Variants in FUOM observed in about 807,000 individuals in gnomAD.
FUOM encodes the protein fucose mutarotase, also known as protein fucU homolog.
FUOM carries 19 observed loss-of-function variants against 18.3 expected under a neutral mutation model. The observed-to-expected ratio is 1.04, with a 90% CI of 0.73 to 1.53. The LOEUF (loss-of-function observed/expected upper bound fraction) is 1.53, where lower values mean the gene tolerates loss of function less well. Ranked by LOEUF, FUOM falls within the 40% of genes most tolerant of loss-of-function variation. FUOM has a pLI of 0.00. For missense variants in FUOM, 210 were observed against 200.9 expected (o/e 1.04, Z -0.27); for synonymous variants, 102 against 87.9 (o/e 1.16, Z -0.90).
downstream of FUOM, among the ~76,000 whole-genome samples, chr10:133,354,190 G>T (rs571134110): frequency 1.3e-5 from 2 of 152,138 alleles, no homozygotes; most frequent in African/African-American, 4.8e-5. Context: ...CGCGGCCATC[G>T]GGTCTAGAGA....
chr10:133,356,410 G>A (rs1175913704), intron 4 of FUOM, among the ~76,000 whole-genome samples: 5 of 152,214 alleles, frequency 3.3e-5, no homozygotes, highest in East Asian at 3.9e-4. Flanking sequence ...GATCCTGGGC[G>A]GGGCAGGGCA....
chr10:133,356,109 C>G (rs779611134), intron 4 of FUOM, among the ~76,000 whole-genome samples: 1 of 152,170 alleles, frequency 6.6e-6, no homozygotes, highest in Non-Finnish European at 1.5e-5. Context: ...GGGGGAGTCC[C>G]CTGCCCAGGA....
At chr10:133,353,361 C>T (rs1347834792), downstream of FUOM, among the ~76,000 whole-genome samples, 1 of 152,210 alleles carries the variant, frequency 6.6e-6, no homozygotes, top group Non-Finnish European at 1.5e-5. Flanking sequence ...TCACACACCG[C>T]ATGTGTCCTG....
chr10:133,357,796 G>C (rs1848858717), intron 1 of FUOM, 127 bp downstream of exon 1: 19 of 656,610 alleles, frequency 2.9e-5, no homozygotes, highest in Non-Finnish European at 3.7e-5. Flanking sequence ...CTGCCCGGAA[G>C]CCAGGGAGGC....
At chr10:133,353,401 C>T (rs1281197689), downstream of FUOM, among the ~76,000 whole-genome samples, 4 of 152,178 alleles carry the variant, frequency 2.6e-5, no homozygotes, top group South Asian at 2.1e-4. Context: ...GGGGTTCCTG[C>T]GTGGCAGTCT....
At chr10:133,356,210 G>T (rs917301860) in intron 4 of FUOM, among the ~76,000 whole-genome samples, 3 of 152,234 alleles carry the variant, frequency 2.0e-5, no homozygotes, top group African/African-American at 7.2e-5. Context: ...GCAGGGCAAG[G>T]TGTGGAGAGG....
At chr10:133,356,899 C>T (rs1848820466) in intron 3 of FUOM, 44 bp downstream of exon 3, 2 of 1,537,002 alleles carry the variant, frequency 1.3e-6, no homozygotes, top group Non-Finnish European at 1.8e-6. Context: ...AAAGGGGAAA[C>T]TGAGGCACGG....
chr10:133,353,535 C>T (rs761850817), downstream of FUOM, among the ~76,000 whole-genome samples: 25 of 152,288 alleles, frequency 1.6e-4, no homozygotes, highest in African/African-American at 5.8e-4. Flanking sequence ...CTCATCCTGC[C>T]GTGTTCAGCC....
rs750216263 is a variant in FUOM, at chr10:133,355,751, C to A, written c.385G>T (p.Val129Phe). The stretch of plus-strand genomic sequence containing the variant: ...GCTGGAACTCACCCCGTTGCCACAA[C>A]AGCAAAAGCCTTCTTAGCCCGTTCA... ...FYERAKKAFA[V>F]VATGETALYG... is the part of the protein sequence containing the mutation. Residue 129 changes from valine to phenylalanine, a missense_variant, in exon 5 of 6, where the codon GTT (valine) becomes TTT (phenylalanine). Val to Phe is a conservative substitution (Grantham distance 50). Transcript: ENST00000278025. The A allele has an allele frequency of 2.5e-6, 4 of 1,613,218 alleles. No homozygotes were observed.
chr10:133,357,707 T>C (rs115835847), intron 1 of FUOM: 20,283 of 524,596 alleles, frequency 0.039, 1,244 homozygotes, highest in African/African-American at 0.21. Flanking sequence ...GGGGAGGGAC[T>C]CCGGGAGAAG....
At chr10:133,353,980 A>T (rs1306740993), downstream of FUOM, among the ~76,000 whole-genome samples, 58 of 145,184 alleles carry the variant, frequency 4.0e-4, no homozygotes, top group African/African-American at 1.3e-3. Flanking sequence ...TTTTTTTTTT[A>T]AAGCTATCTT....
chr10:133,357,233 C>G lies in FUOM; in HGVS notation c.108G>C (p.Pro36=), dbSNP rs760044539. 2.5e-6 allele frequency: 4 copies of G among 1,581,826 alleles called. No individual in the cohort carries two copies. Among genetic ancestry groups the G allele is most frequent in the Non-Finnish European group, 1.7e-6 (2 of 1,165,104 alleles). ...DEIVLADLNF[P]ASSICQCGPM... is the part of the protein sequence containing the mutation. Reference sequence around the variant, plus strand: ...GCCCACACTGGCAGATGGAGGAGGCCGGGAAGTTCAAGTCCGCAAGAACTA... The same window carrying G: ...GCCCACACTGGCAGATGGAGGAGGCGGGGAAGTTCAAGTCCGCAAGAACTA... Residue 36 remains proline (P), a synonymous_variant, in exon 2 of 6, where the codon CCG becomes CCC. Coordinates refer to ENST00000278025, the MANE Select transcript of FUOM (RefSeq NM_001098483.3).
chr10:133,354,330 C>T (rs1848729415), downstream of FUOM, among the ~76,000 whole-genome samples: 1 of 152,318 alleles, frequency 6.6e-6, no homozygotes, highest in East Asian at 1.9e-4. Flanking sequence ...CAGCCAAGCC[C>T]AGACAGGGTC....
intron 1 of FUOM, 71 bp downstream of exon 1, chr10:133,357,852 G>T: frequency 7.5e-7 from 1 of 1,336,308 alleles, no homozygotes; most frequent in Non-Finnish European, 1.0e-6. Context: ...CCGGCCCGGG[G>T]GTCCCCGTGC....
At chr10:133,357,069 C>G in intron 2 of FUOM, 56 bp from the exon 3 acceptor site, 1 of 1,541,574 alleles carries the variant, frequency 6.5e-7, no homozygotes, top group South Asian at 1.2e-5. Context: ...GCCTGCCTGT[C>G]TGCACCCTTC....
chr10:133,355,601 T>G, intron 5 of FUOM, 137 bp downstream of exon 5: 1 of 1,583,146 alleles, frequency 6.3e-7, no homozygotes, highest in South Asian at 1.1e-5. Context: ...GTCTCTCCAC[T>G]CTGTGGGACG....
chr10:133,357,853 G>T lies in FUOM; in HGVS notation c.85+70C>A, dbSNP rs974520705. ...GGACGCGGCCCTTCCCGGCCCGGGG[G>T]TCCCCGTGCAAGCCTCGCCCTCCTG... On this transcript the variant is annotated intron_variant, in intron 1 of 5. Transcript: ENST00000278025. 436 of 1,334,508 alleles carry T rather than the reference G, an allele frequency of 3.3e-4. 1 individual carries two copies. Among genetic ancestry groups the T allele is most frequent in the Middle Eastern group, 2.3e-3 (9 of 3,952 alleles). 82.7% of individuals were successfully genotyped at this position (1,334,508 alleles called of 1,614,324 possible).
chr10:133,354,181 G>A (rs1432930239), downstream of FUOM, among the ~76,000 whole-genome samples: 4 of 152,156 alleles, frequency 2.6e-5, no homozygotes, highest in Non-Finnish European at 5.9e-5. Context: ...AGGCCACGAC[G>A]CGGCCATCGG....
chr10:133,353,581 AGGTGT>A (rs1418865479), downstream of FUOM, among the ~76,000 whole-genome samples: 1 of 152,182 alleles, frequency 6.6e-6, no homozygotes, highest in Non-Finnish European at 1.5e-5. Context: ...GGGTTTGCCC[AGGTGT>A]GGAAGAGCTC....
Sources: allele counts gnomAD v4.1 joint callset (sites outside exome capture counted in the v4.1 genomes callset), GRCh38; gene constraint gnomAD v4.1.1; transcripts MANE v1.5; gene names NCBI Gene and HGNC (gene_info 2026-07-23, HGNC 2026-07-21).